Variants in CDH2 observed in about 807,000 individuals in gnomAD.
CDH2 encodes the protein cadherin 2, also known as cadherin-2.
In CDH2, 17 loss-of-function variants were observed where a neutral mutation model predicts 92.0. That is an observed-to-expected ratio of 0.18 (90% CI 0.13 to 0.28). The LOEUF is 0.28. CDH2 is among the 10% of genes least tolerant of loss of function. The pLI, the probability that CDH2 is intolerant of heterozygous loss-of-function variation, is 1.00. For missense variants in CDH2, 862 were observed against 1,133.1 expected (o/e 0.76, Z 3.44); for synonymous variants, 419 against 415.9 (o/e 1.01, Z -0.09).
intron 15 of CDH2, 59 bp downstream of exon 15, chr18:27,963,298 G>A: frequency 3.3e-6 from 5 of 1,523,092 alleles, no homozygotes; most frequent in South Asian, 1.1e-5. Context: ...GGCCTACAGA[G>A]ATCTAACCAT....
chr18:28,117,165 C>T (rs956191785), intron 2 of CDH2, among the ~76,000 whole-genome samples: 1 of 151,992 alleles, frequency 6.6e-6, no homozygotes, highest in African/African-American at 2.4e-5. Context: ...TGCCATGGCA[C>T]ACAAAAAGGC....
In CDH2 at chr18:27,988,652, G is replaced by T. The variant is rs370514300; in HGVS notation, c.1613C>A (p.Ser538Tyr). The change falls in exon 11 of 16, where the codon TCT becomes TAT. Residue 538 changes from serine (S) to tyrosine (Y), a missense_variant. Ser to Tyr is a moderately radical substitution (Grantham distance 144). Around this residue, in one of 5 missense-constraint regions of CDH2, gnomAD observed 564 missense variants for 722.2 expected, o/e 0.78. Coordinates refer to ENST00000269141, the MANE Select transcript of CDH2 (RefSeq NM_001792.5). ...MQQNIRYTKL[S>Y]DPANWLKIDP... The stretch of plus-strand genomic sequence containing the variant: ...TATTTTTAGCCAATTGGCAGGATCA[G>T]ATAATTTAGTGTATCTACAAAATGA... 3 of 1,601,182 alleles carry T rather than the reference G, an allele frequency of 1.9e-6. No homozygotes were observed. The highest frequency in any genetic ancestry group is 2.6e-6 in the Non-Finnish European group (3 of 1,169,628).
intron 15 of CDH2, among the ~76,000 whole-genome samples, chr18:27,953,914 G>A (rs1909586409): frequency 6.6e-6 from 1 of 152,018 alleles, no homozygotes. Flanking sequence ...CTTGGGATTT[G>A]AAAAAATAAG....
intron 14 of CDH2, among the ~76,000 whole-genome samples, chr18:27,972,644 C>T (rs1232321070): frequency 6.6e-6 from 1 of 152,158 alleles, no homozygotes; most frequent in Non-Finnish European, 1.5e-5. Context: ...CGGGAGTATA[C>T]TGGTTCAATT....
intron 2 of CDH2, among the ~76,000 whole-genome samples, chr18:28,068,985 C>T (rs1433362908): frequency 6.6e-6 from 1 of 152,150 alleles, no homozygotes; most frequent in Non-Finnish European, 1.5e-5. Context: ...AATGTTGTCA[C>T]ATATTATACA....
At chr18:28,094,569 C>A (rs1285758239) in intron 2 of CDH2, among the ~76,000 whole-genome samples, 1 of 151,220 alleles carries the variant, frequency 6.6e-6, no homozygotes, top group Non-Finnish European at 1.5e-5. Context: ...CTGAGGCGGG[C>A]GGATCACAAG....
downstream of CDH2, among the ~76,000 whole-genome samples, chr18:27,947,162 G>A (rs566375096): frequency 2.6e-5 from 4 of 151,524 alleles, no homozygotes; most frequent in Admixed American, 6.6e-5. Context: ...CAAGAGAATC[G>A]CCAAAAAGCT....
chr18:28,052,356 GTTTATA>G (rs745572385), intron 2 of CDH2, among the ~76,000 whole-genome samples: 10 of 152,054 alleles, frequency 6.6e-5, no homozygotes, highest in Non-Finnish European at 1.2e-4. Context: ...TTGAATTTTA[GTTTATA>G]TTTAAGCCGT....
chr18:28,063,060 C>T (rs767477363), intron 2 of CDH2, among the ~76,000 whole-genome samples: 7 of 152,136 alleles, frequency 4.6e-5, no homozygotes, highest in Non-Finnish European at 1.0e-4. Context: ...GTAATTTAAA[C>T]GTAGCTACTT....
intron 1 of CDH2, among the ~76,000 whole-genome samples, chr18:28,167,491 T>A (rs1350986990): frequency 9.2e-5 from 14 of 152,024 alleles, no homozygotes; most frequent in Admixed American, 9.2e-4. Context: ...GATATAAATA[T>A]AAGAAAGATT....
At chr18:28,005,269 C>T (rs541284737) in intron 6 of CDH2, among the ~76,000 whole-genome samples, 7 of 152,130 alleles carry the variant, frequency 4.6e-5, no homozygotes, top group Non-Finnish European at 1.0e-4. Context: ...TAGGCCAGGG[C>T]ATTTTCCATT....
At chr18:27,943,653 C>T (rs2143837436) in intron 6 of CDH2, among the ~76,000 whole-genome samples, 1 of 152,206 alleles carries the variant, frequency 6.6e-6, no homozygotes, top group Middle Eastern at 3.4e-3. Flanking sequence ...AGTCCACAGC[C>T]CAGTATCTAT....
chr18:27,960,738 A>C (rs1264995699), intron 15 of CDH2, among the ~76,000 whole-genome samples: 1 of 152,198 alleles, frequency 6.6e-6, no homozygotes, highest in Admixed American at 6.5e-5. Flanking sequence ...ATGGTTTCAC[A>C]ATGAGACATT....
intron 6 of CDH2, among the ~76,000 whole-genome samples, chr18:27,939,115 G>A (rs1197814837): frequency 6.6e-6 from 1 of 151,492 alleles, no homozygotes; most frequent in Non-Finnish European, 1.5e-5. Flanking sequence ...TTTATTTCCT[G>A]GGCTCCTTCC....
intron 2 of CDH2, among the ~76,000 whole-genome samples, chr18:28,098,723 G>T (rs2015178285): frequency 6.6e-6 from 1 of 152,026 alleles, no homozygotes; most frequent in African/African-American, 2.4e-5. Flanking sequence ...TATTAAGTAG[G>T]CTGCAAACAG....
At chr18:27,961,467 G>A (rs2011402331) in intron 15 of CDH2, among the ~76,000 whole-genome samples, 2 of 152,154 alleles carry the variant, frequency 1.3e-5, no homozygotes, top group Admixed American at 6.6e-5. Context: ...GAATCCTGAA[G>A]GCGAAGTGGC....
intron 7 of CDH2, among the ~76,000 whole-genome samples, chr18:28,000,637 A>G (rs1014421807): frequency 6.6e-5 from 10 of 152,160 alleles, no homozygotes; most frequent in Non-Finnish European, 1.5e-4. Flanking sequence ...CAGGAATACT[A>G]CCAGCAAGTA....
intron 14 of CDH2, among the ~76,000 whole-genome samples, chr18:27,975,983 C>T (rs1263295669): frequency 2.6e-5 from 4 of 152,120 alleles, no homozygotes; most frequent in Admixed American, 2.0e-4. Context: ...TCTCTTCTAC[C>T]GGCTGAGTCT....
At chr18:27,969,897 G>A (rs924943335) in intron 14 of CDH2, among the ~76,000 whole-genome samples, 1 of 152,192 alleles carries the variant, frequency 6.6e-6, no homozygotes, top group Non-Finnish European at 1.5e-5. Flanking sequence ...CTACTCAGGA[G>A]GCTGAGGCAG....
Sources: gnomAD v4.1 joint callset for allele counts (sites outside exome capture counted in the v4.1 genomes callset) on GRCh38, gnomAD v4.1.1 for gene constraint, gnomAD v4.1.1 regional missense constraint, MANE v1.5 for transcripts, NCBI Gene and HGNC (gene_info 2026-07-23, HGNC 2026-07-21) for gene names.